DIP2C: variants seen among roughly 807,000 people sequenced by gnomAD.
DIP2C encodes disco-interacting protein 2 homolog C.
DIP2C carries 33 observed loss-of-function variants against 192.4 expected under a neutral mutation model. The ratio of observed to expected loss-of-function variants is 0.17; its 90% confidence interval spans 0.13 to 0.23. DIP2C has a LOEUF of 0.23. Among genes scored for constraint, DIP2C ranks in the 10% least tolerant of loss-of-function variants. The probability of loss-of-function intolerance (pLI) is 1.00; values close to 1 mark genes in which losing one functional copy is unlikely to be tolerated. For missense variants in DIP2C, 1,537 were observed against 2,110.1 expected, an observed-to-expected ratio of 0.73 and a Z score of 5.32; for synonymous variants, 979 against 864.1, an observed-to-expected ratio of 1.13 and a Z score of -2.33.
chr10:640,432 G>C (rs1855106272), intron 1 of DIP2C, among the ~76,000 whole-genome samples: 1 of 152,218 alleles, frequency 6.6e-6, no homozygotes, highest in Admixed American at 6.5e-5. Context: ...CTGGGGAAGA[G>C]ATGCCCAAGG....
Position 472,430 on chromosome 10 carries a change from C to T in DIP2C, c.268+9G>A, listed in dbSNP as rs765062120. 3 of 1,612,538 alleles carry T rather than the reference C, an allele frequency of 1.9e-6. No individual in the cohort carries two copies. Among genetic ancestry groups the T allele is most frequent in the East Asian group, 2.2e-5 (1 of 44,818 alleles). ...ATGGACGTATTGTATCACCCCACCC[C>T]GTGCTTACCTGACCGATAGCGCTCA... On this transcript the variant is annotated intron_variant, in intron 3 of 36. Transcript: ENST00000280886.
chr10:293,268 G>A (rs982923825), intron 32 of DIP2C, among the ~76,000 whole-genome samples: 17 of 152,326 alleles, frequency 1.1e-4, no homozygotes, highest in Non-Finnish European at 5.9e-5. Context: ...AGATGCAGAC[G>A]GAGCTGGTGC....
At chr10:352,724 C>T (rs1347018504) in intron 24 of DIP2C, among the ~76,000 whole-genome samples, 1 of 152,182 alleles carries the variant, frequency 6.6e-6, no homozygotes, top group Non-Finnish European at 1.5e-5. Flanking sequence ...GCTCACGTTG[C>T]AGGCTGGCAG....
intron 1 of DIP2C, among the ~76,000 whole-genome samples, chr10:670,151 T>C (rs770650075): frequency 2.0e-5 from 3 of 151,948 alleles, no homozygotes; most frequent in Non-Finnish European, 2.9e-5. Context: ...CGTGTACACA[T>C]ATGCACGTGC....
chr10:635,955 C>T (rs955890047), intron 1 of DIP2C, among the ~76,000 whole-genome samples: 1 of 152,196 alleles, frequency 6.6e-6, no homozygotes, highest in Admixed American at 6.5e-5. Flanking sequence ...TCACTCAAAC[C>T]TCTGCCAAGC....
intron 1 of DIP2C, among the ~76,000 whole-genome samples, chr10:548,968 A>T (rs1255563808): frequency 6.9e-6 from 1 of 145,556 alleles, no homozygotes; most frequent in East Asian, 2.0e-4. Context: ...ATTTAAGATC[A>T]GAAATAAAGA....
intron 1 of DIP2C, among the ~76,000 whole-genome samples, chr10:510,530 C>G (rs1209726431): frequency 6.6e-6 from 1 of 152,366 alleles, no homozygotes; most frequent in Non-Finnish European, 1.5e-5. Context: ...GCTTTACAGC[C>G]GTGCCAGGCA....
At chr10:605,664 CCT>C (rs1158168500) in intron 1 of DIP2C, among the ~76,000 whole-genome samples, 26 of 152,310 alleles carry the variant, frequency 1.7e-4, no homozygotes, top group African/African-American at 5.8e-4. Context: ...TTCATTGCCA[CCT>C]CTGTCTTAGA....
intron 6 of DIP2C, 76 bp downstream of exon 6, chr10:418,989 C>G: frequency 6.3e-7 from 1 of 1,587,804 alleles, no homozygotes; most frequent in South Asian, 1.1e-5. Context: ...AGAAACACAT[C>G]CAGTCATGGG....
At chr10:476,906 G>A (rs1222934680) in intron 2 of DIP2C, among the ~76,000 whole-genome samples, 1 of 151,812 alleles carries the variant, frequency 6.6e-6, no homozygotes, top group East Asian at 2.0e-4. Context: ...TTGGGATCCT[G>A]GAGAAGCAGG....
intron 36 of DIP2C, among the ~76,000 whole-genome samples, chr10:280,274 G>A (rs3125026): frequency 0.99 from 150,134 of 152,322 alleles, 74,010 homozygotes; most frequent in East Asian, 1. Context: ...AGAGGAGGAA[G>A]GAACAATCTC....
chr10:623,102 C>A (rs1380159346), intron 1 of DIP2C, among the ~76,000 whole-genome samples: 7 of 152,306 alleles, frequency 4.6e-5, no homozygotes, highest in African/African-American at 1.7e-4. Context: ...CATTGTCACC[C>A]TTCCCAGGGA....
intron 1 of DIP2C, among the ~76,000 whole-genome samples, chr10:624,876 G>C (rs1017269302): frequency 1.4e-5 from 2 of 146,798 alleles, no homozygotes; most frequent in Admixed American, 6.7e-5. Flanking sequence ...GGGAGAACCC[G>C]GGGGGGGAGC....
Position 413,906 on chromosome 10 carries a change from G to A in DIP2C, c.1057+7C>T, listed in dbSNP as rs1201878296. ...GGCAAAGGGCAGAGAGTGAGCCTGG[G>A]GATTACCGTAAGTGAGGATGTAGAG... On this transcript the variant is annotated splice_region_variant and intron_variant, in intron 8 of 36. Coordinates refer to ENST00000280886, the MANE Select transcript of DIP2C (RefSeq NM_014974.3). 2 of 1,613,080 alleles carry A rather than the reference G, an allele frequency of 1.2e-6. No homozygotes were observed. Among genetic ancestry groups the A allele is most frequent in the East Asian group, 4.5e-5 (2 of 44,844 alleles).
chr10:351,238 G>A (rs547242316), intron 24 of DIP2C, among the ~76,000 whole-genome samples: 153 of 152,318 alleles, frequency 1.0e-3, no homozygotes, highest in African/African-American at 3.3e-3. Flanking sequence ...GGAAAAGCAC[G>A]TCAGCCTCCC....
intron 3 of DIP2C, among the ~76,000 whole-genome samples, chr10:461,236 A>G (rs10904266): frequency 0.85 from 129,967 of 152,182 alleles, 57,969 homozygotes; most frequent in Non-Finnish European, 0.97. Flanking sequence ...AAATGCCCCC[A>G]TTAAAAGACA....
chr10:604,294 A>T (rs1852314904), intron 1 of DIP2C, among the ~76,000 whole-genome samples: 1 of 152,216 alleles, frequency 6.6e-6, no homozygotes, highest in Admixed American at 6.5e-5. Flanking sequence ...CTCCTAATGA[A>T]CACATCAGTC....
chr10:586,734 C>T (rs1248049156), intron 1 of DIP2C, among the ~76,000 whole-genome samples: 1 of 152,266 alleles, frequency 6.6e-6, no homozygotes, highest in African/African-American at 2.4e-5. Context: ...CTTTAGGTGA[C>T]ATCTGCAAGG....
chr10:565,872 G>A (rs1402547583), intron 1 of DIP2C, among the ~76,000 whole-genome samples: 1 of 152,210 alleles, frequency 6.6e-6, no homozygotes, highest in Non-Finnish European at 1.5e-5. Context: ...GGAAACCACT[G>A]ACCAGCACTT....
Sources: gnomAD v4.1 joint callset for allele counts (sites outside exome capture counted in the v4.1 genomes callset) on GRCh38, gnomAD v4.1.1 for gene constraint, MANE v1.5 for transcripts, NCBI Gene and HGNC (gene_info 2026-07-23, HGNC 2026-07-21) for gene names.